Variants in TOM1L1 observed in about 807,000 individuals in gnomAD.
The protein encoded by TOM1L1 is target of myb1 like 1 membrane trafficking protein, also known as TOM1-like protein 1.
Under a neutral mutation model 63.4 loss-of-function variants are expected in TOM1L1, and 64 were observed. That is an observed-to-expected ratio of 1.01 (90% CI 0.83 to 1.24). The LOEUF (loss-of-function observed/expected upper bound fraction) is 1.24. Ranked by LOEUF, TOM1L1 falls within the 50% of genes most tolerant of loss-of-function variation. TOM1L1 has a pLI of 0.00. For synonymous variants in TOM1L1, 166 were observed against 194.4 expected, an observed-to-expected ratio of 0.85 and a Z score of 1.22; for missense variants, 536 against 567.0, an observed-to-expected ratio of 0.95 and a Z score of 0.55.
At chr17:54,920,924 T>A (rs1256824470) in intron 7 of TOM1L1, among the ~76,000 whole-genome samples, 1 of 151,350 alleles carries the variant, frequency 6.6e-6, no homozygotes, top group Non-Finnish European at 1.5e-5. Flanking sequence ...GAAAATTATG[T>A]ATTTTCACTC....
At chr17:54,948,746 G>A (rs1392000771) in intron 12 of TOM1L1, among the ~76,000 whole-genome samples, 1 of 152,220 alleles carries the variant, frequency 6.6e-6, no homozygotes, top group East Asian at 1.9e-4. Context: ...CTGGTAGGTG[G>A]CCAGGATATA....
intron 3 of TOM1L1, among the ~76,000 whole-genome samples, chr17:54,910,787 G>A (rs540010296): frequency 1.3e-5 from 2 of 152,226 alleles, no homozygotes; most frequent in African/African-American, 4.8e-5. Flanking sequence ...ACAGCTGCAT[G>A]TTTCTATATT....
intron 11 of TOM1L1, among the ~76,000 whole-genome samples, chr17:54,946,011 A>G (rs1411563565): frequency 1.3e-5 from 2 of 152,174 alleles, no homozygotes; most frequent in East Asian, 3.8e-4. Context: ...CAAGAATGTT[A>G]TTTTGATTTT....
chr17:54,939,910 G>A (rs779154384), intron 11 of TOM1L1, among the ~76,000 whole-genome samples: 1 of 152,116 alleles, frequency 6.6e-6, no homozygotes, highest in Non-Finnish European at 1.5e-5. Flanking sequence ...TCTATTGAAG[G>A]AACTAGAACT....
Position 54,912,773 on chromosome 17 carries a change from C to T in TOM1L1, c.330C>T (p.Asn110=), listed in dbSNP as rs2048517682. ...NLVKLLNPRY[N]LPLDIQNRIL... ...TTAAGCTACTGAATCCCAGATACAA[C>T]TTGCCATTAGACATTCAGAATAGAA... The change falls in exon 4 of 16, where the codon AAC becomes AAT. Residue 110 remains asparagine, a synonymous_variant. Coordinates refer to ENST00000575882, the MANE Select transcript of TOM1L1 (RefSeq NM_005486.3). The T allele has an allele frequency of 6.2e-7, 1 of 1,611,456 alleles. No individual in the cohort carries two copies. The highest frequency in any genetic ancestry group is 8.5e-7 in the Non-Finnish European group (1 of 1,179,280).
chr17:54,927,855 C>G (rs1357392195), intron 7 of TOM1L1, among the ~76,000 whole-genome samples: 1 of 152,168 alleles, frequency 6.6e-6, no homozygotes, highest in Admixed American at 6.5e-5. Flanking sequence ...GGTTTGCAGA[C>G]CTGTTGAGAT....
intron 7 of TOM1L1, among the ~76,000 whole-genome samples, chr17:54,922,631 A>G (rs1168928365): frequency 6.6e-6 from 1 of 152,206 alleles, no homozygotes; most frequent in African/African-American, 2.4e-5. Flanking sequence ...CTTTAAGAAA[A>G]TTATAAGGAA....
chr17:54,961,844 T>C lies in TOM1L1; in HGVS notation c.*611T>C, dbSNP rs1235769880. 1.0e-6 allele frequency: 1 copy of C among 978,620 alleles called. No homozygotes were observed. Among genetic ancestry groups the C allele is most frequent in the Admixed American group, 6.1e-5 (1 of 16,268 alleles). The allele number at this position is 978,620 out of a possible 1,614,324, so 60.6% of individuals were successfully genotyped here. On this transcript the variant is annotated 3_prime_UTR_variant, in exon 16 of 16. Coordinates refer to ENST00000575882, the MANE Select transcript of TOM1L1 (RefSeq NM_005486.3). The stretch of plus-strand genomic sequence containing the variant: ...AAATATGATTCTTTGTAATGCTAAA[T>C]AGCCTTTTTTTCTCTTTTTACTGCA...
In TOM1L1 at chr17:54,924,259, T is replaced by C. The variant is rs117103850; in HGVS notation, c.721-5814T>C. ...CCCTGTCTTCAAATGGCCAGCTTTT[T>C]CTTTTTCTTTTCTTTTCTTTTTTCT... is the stretch of plus-strand genomic sequence containing the variant. On this transcript the variant is annotated intron_variant, in intron 7 of 15. Transcript: ENST00000575882. 8.6e-3 allele frequency among the ~76,000 whole-genome samples: 1,294 copies of C among 150,862 alleles called. 14 individuals carry two copies. The highest frequency in any genetic ancestry group is 0.034 in the Middle Eastern group (10 of 294).
intron 3 of TOM1L1, chr17:54,906,782 C>T (rs537079356): frequency 1.7e-5 from 17 of 985,498 alleles, no homozygotes; most frequent in Non-Finnish European, 1.9e-5. Context: ...TCTTCAGTCA[C>T]GTTGGTGAGT....
chr17:54,932,230 G>C (rs940715041), intron 8 of TOM1L1, among the ~76,000 whole-genome samples: 2 of 152,130 alleles, frequency 1.3e-5, no homozygotes, highest in African/African-American at 4.8e-5. Context: ...CAACTCTAAG[G>C]GGGTGCGTGT....
At chr17:54,905,997 C>T (rs1262324382) in intron 3 of TOM1L1, among the ~76,000 whole-genome samples, 1 of 151,796 alleles carries the variant, frequency 6.6e-6, no homozygotes, top group Non-Finnish European at 1.5e-5. Flanking sequence ...TGGTGAGAGC[C>T]CGTCTCTACA....
intron 5 of TOM1L1, among the ~76,000 whole-genome samples, chr17:54,914,164 C>T (rs950824855): frequency 6.6e-5 from 10 of 152,164 alleles, no homozygotes; most frequent in Non-Finnish European, 1.3e-4. Context: ...TTGAGAAGCA[C>T]TGGCCTAGAG....
In TOM1L1 at chr17:54,912,766, G is replaced by C. The variant is rs1199796627; in HGVS notation, c.323G>C (p.Arg108Thr). 1 of 1,611,822 alleles carries C rather than the reference G, an allele frequency of 6.2e-7. No individual in the cohort carries two copies. Among genetic ancestry groups the C allele is most frequent in the Admixed American group, 1.7e-5 (1 of 59,560 alleles). ...KENLVKLLNPRYNLPLDIQNR... is the reference protein window; with the variant it reads ...KENLVKLLNPTYNLPLDIQNR... ...AATTTAGTTAAGCTACTGAATCCCA[G>C]ATACAACTTGCCATTAGACATTCAG... Residue 108 changes from arginine (R) to threonine (T), a missense_variant, in exon 4 of 16, where the codon AGA (arginine) becomes ACA (threonine). Transcript: ENST00000575882.
rs567381561 is a variant in TOM1L1 at position 54,922,458 on chromosome 17, CCAGG to C, written c.720+6599_720+6602del. Among the ~76,000 whole-genome samples the C allele has an allele frequency of 1.5e-3, 226 of 152,106 alleles. 8 individuals carry two copies. The South Asian group carries it at 0.046, about 31-fold the overall frequency. ...TCTGTTGCTACAAAAAATAAATTAG[CCAGG>C]CATGGTGGTACATGCCTGTGGTCCC... On this transcript the variant is annotated intron_variant, in intron 7 of 15. Coordinates refer to ENST00000575882, the MANE Select transcript of TOM1L1 (RefSeq NM_005486.3).
At chr17:54,953,718 T>C (rs2049350322) in intron 14 of TOM1L1, 1 of 152,266 alleles carries the variant, frequency 6.6e-6, no homozygotes, top group Non-Finnish European at 1.5e-5. Flanking sequence ...CGCATCTTCT[T>C]GTCTTCCTTT....
chr17:54,915,459 C>T (rs1383668565), intron 6 of TOM1L1, among the ~76,000 whole-genome samples: 1 of 152,092 alleles, frequency 6.6e-6, no homozygotes, highest in Non-Finnish European at 1.5e-5. Context: ...CCTGGTACTT[C>T]TCCCCTCTCC....
Position 54,950,934 on chromosome 17 carries a change from A to T in TOM1L1, c.1370+808A>T, listed in dbSNP as rs1030828354. Among the ~76,000 whole-genome samples the T allele has an allele frequency of 4.6e-5, 7 of 152,334 alleles. No individual in the cohort carries two copies. In the South Asian group the frequency reaches 6.2e-4, roughly 14 times the overall value. ...TATGTGAGGATTTCTCCCCATCAGC[A>T]GGCAAGCAATGAATTCTACAATGGA... is the stretch of plus-strand genomic sequence containing the variant. On this transcript the variant is annotated intron_variant, in intron 14 of 15. Coordinates refer to ENST00000575882, the MANE Select transcript of TOM1L1 (RefSeq NM_005486.3).
chr17:54,942,265 T>TC (rs1371741758), intron 11 of TOM1L1: 2 of 148,954 alleles, frequency 1.3e-5, no homozygotes, highest in Non-Finnish European at 3.0e-5. Context: ...CCCATCTAAT[T>TC]TTTTTTTTTT....
Sources: allele counts gnomAD v4.1 joint callset (sites outside exome capture counted in the v4.1 genomes callset), GRCh38; gene constraint gnomAD v4.1.1; transcripts MANE v1.5; gene names NCBI Gene and HGNC (gene_info 2026-07-23, HGNC 2026-07-21).